NAXD: variants seen among roughly 807,000 people sequenced by gnomAD.
NAXD encodes NAD(P)HX dehydratase.
In NAXD, 22 loss-of-function variants were observed where a neutral mutation model predicts 35.8. The observed-to-expected ratio is 0.62, with a 90% CI of 0.44 to 0.88. The LOEUF (loss-of-function observed/expected upper bound fraction) is 0.88. Ranked by LOEUF, NAXD falls within the 40% of genes least tolerant of loss-of-function variation. The probability of loss-of-function intolerance (pLI) is 0.00; values close to 1 mark genes in which losing one functional copy is unlikely to be tolerated. For missense variants in NAXD, 428 were observed against 437.7 expected (o/e 0.98, Z 0.20); for synonymous variants, 189 against 177.6 (o/e 1.06, Z -0.51).
chr13:110,628,990 GC>G lies in NAXD; in HGVS notation c.441+1444del, dbSNP rs1162310874. On this transcript the variant is annotated intron_variant, in intron 5 of 9. Coordinates refer to ENST00000680254, the MANE Select transcript of NAXD (RefSeq NM_001242882.2). This position sits in a 1 kb window ranked among gnomAD's most constrained non-coding sequence, Gnocchi z 4.1. Reference sequence around the variant, plus strand: ...AGTGAGGGTGTGCGTCGCTGCCCCTGCAGCCCAGACTCTGGACCTTGCATTC... The same window carrying G: ...AGTGAGGGTGTGCGTCGCTGCCCCTGAGCCCAGACTCTGGACCTTGCATTC... 1.3e-5 allele frequency among the ~76,000 whole-genome samples: 2 copies of G among 151,604 alleles called. No homozygotes were observed. Among genetic ancestry groups the G allele is most frequent in the East Asian group, 3.8e-4 (2 of 5,198 alleles).
At chr13:110,632,498 C>T (rs541288567) in intron 5 of NAXD, among the ~76,000 whole-genome samples, 344 of 152,264 alleles carry the variant, frequency 2.3e-3, no homozygotes, top group African/African-American at 8.0e-3. Flanking sequence ...AGCCGAGTGG[C>T]CTGTTTTGTC....
In NAXD at chr13:110,638,218, G is replaced by C; in HGVS notation, c.840-160G>C. 2 of 1,534,942 alleles carry C rather than the reference G, an allele frequency of 1.3e-6. No homozygotes were observed. The highest frequency in any genetic ancestry group is 8.8e-7 in the Non-Finnish European group (1 of 1,141,872). Reference sequence around the variant, plus strand: ...TGGAGGGTTAATGGTGGTTTTCGCTGTGATAAACCTGCTTTCTCCTCAGGG... The same window carrying C: ...TGGAGGGTTAATGGTGGTTTTCGCTCTGATAAACCTGCTTTCTCCTCAGGG... On this transcript the variant is annotated intron_variant, in intron 9 of 9. Transcript: ENST00000680254. This position sits in a 1 kb window ranked among gnomAD's most constrained non-coding sequence, Gnocchi z 5.4.
In NAXD at chr13:110,622,199, TTTTTC is replaced by T. The variant is rs1403947985; in HGVS notation, c.47-14_47-10del. 6.2e-7 allele frequency: 1 copy of T among 1,602,336 alleles called. No individual in the cohort carries two copies. On this transcript the variant is annotated splice_polypyrimidine_tract_variant and intron_variant, in intron 1 of 9. Transcript: ENST00000680254. ...TCTGTTTACCTTTCTGAATTATTCATTTTTCTTGTCTTTCAGTTTTAGAAAGAGCG... is the reference window on the plus strand; with the variant it reads ...TCTGTTTACCTTTCTGAATTATTCATTTGTCTTTCAGTTTTAGAAAGAGCG...
chr13:110,636,846 G>A (rs192445385), intron 8 of NAXD, among the ~76,000 whole-genome samples: 181 of 152,332 alleles, frequency 1.2e-3, no homozygotes, highest in African/African-American at 4.0e-3. Flanking sequence ...CGTCTGAGGC[G>A]GTTCCGAGCT....
upstream of NAXD, chr13:110,615,488 T>C (rs1886005669): frequency 1.0e-6 from 1 of 990,480 alleles, no homozygotes; most frequent in Non-Finnish European, 1.4e-6. Context: ...TTGAGCGAGT[T>C]GGGATCCCAC....
intron 1 of NAXD, among the ~76,000 whole-genome samples, chr13:110,620,829 A>G (rs1886238443): frequency 6.6e-6 from 1 of 152,228 alleles, no homozygotes. Flanking sequence ...TCTGCTGCTG[A>G]GATAATTGGA....
In NAXD at chr13:110,617,703, A is replaced by C. The variant is rs191926093; in HGVS notation, c.46+2056A>C. ...AGCATTTTACACCTACTGTGTGCCC[A>C]CAAAAATAAAAACAAAAACATGGCA... On this transcript the variant is annotated intron_variant, in intron 1 of 9. Transcript: ENST00000680254. 2.7e-3 allele frequency among the ~76,000 whole-genome samples: 408 copies of C among 152,382 alleles called. 5 individuals carry two copies. The highest frequency in any genetic ancestry group is 0.01 in the Admixed American group (158 of 15,308).
At position 110,628,574 on chromosome 13, in the gene NAXD, C is replaced by T. The variant is rs1478382173; in HGVS notation, c.441+1027C>T. The stretch of plus-strand genomic sequence containing the variant: ...GCGGCGAGTGATGGAGCCAGCAGTG[C>T]AGGATGAGTCATCTGAGGGGCAGGC... On this transcript the variant is annotated intron_variant, in intron 5 of 9. Transcript: ENST00000680254. The surrounding 1 kb of genome is among the most constrained non-coding windows in gnomAD (Gnocchi z 4.1). Among the ~76,000 whole-genome samples the T allele has an allele frequency of 6.6e-6, 1 of 152,042 alleles. No homozygotes were observed. The highest frequency in any genetic ancestry group is 1.5e-5 in the Non-Finnish European group (1 of 68,002).
chr13:110,627,697 T>C, intron 5 of NAXD, 150 bp downstream of exon 5: 4 of 635,422 alleles, frequency 6.3e-6, no homozygotes, highest in Non-Finnish European at 1.1e-5. Flanking sequence ...GAGGAGAAAC[T>C]GAGTGCAAAG....
At chr13:110,618,415 G>C (rs330546) in intron 1 of NAXD, among the ~76,000 whole-genome samples, 1 of 152,014 alleles carries the variant, frequency 6.6e-6, no homozygotes, top group Non-Finnish European at 1.5e-5. Flanking sequence ...TCAAGTTGCT[G>C]TGAAGGTGGT....
intron 5 of NAXD, among the ~76,000 whole-genome samples, chr13:110,632,059 T>C (rs1202292230): frequency 2.0e-5 from 3 of 152,002 alleles, no homozygotes; most frequent in Non-Finnish European, 4.4e-5. Context: ...AATGAAGCCG[T>C]GGACCCTCGC....
intron 5 of NAXD, among the ~76,000 whole-genome samples, chr13:110,629,396 CACCATGATCA>C (rs1886623508): frequency 6.6e-6 from 1 of 152,228 alleles, no homozygotes. Flanking sequence ...GTGCAACCAT[CACCATGATCA>C]ACCTTAGAAT....
rs1218988039 is a variant in NAXD, at chr13:110,638,802, G to C, written c.*274G>C. 1 of 606,070 alleles carries C rather than the reference G, an allele frequency of 1.6e-6. No homozygotes were observed. The allele number at this position is 606,070 out of a possible 1,614,324, so 37.5% of individuals were successfully genotyped here. ...TAGTAACTGGGAAGACAGAAATGAA[G>C]AAAATCACATGAGAATGAAGAATTC... On this transcript the variant is annotated 3_prime_UTR_variant, in exon 10 of 10. Transcript: ENST00000680254. The surrounding 1 kb of genome is among the most constrained non-coding windows in gnomAD (Gnocchi z 5.4).
At chr13:110,634,883 G>A (rs1222091209) in intron 7 of NAXD, 107 bp downstream of exon 7, 11 of 777,002 alleles carry the variant, frequency 1.4e-5, no homozygotes, top group Non-Finnish European at 2.4e-5. Flanking sequence ...GGACACACCT[G>A]CAAGTAATCG....
chr13:110,625,027 G>T (rs953352405), intron 3 of NAXD, among the ~76,000 whole-genome samples, 163 bp from the exon 4 acceptor site: 1 of 152,218 alleles, frequency 6.6e-6, no homozygotes, highest in South Asian at 2.1e-4. Context: ...TGTGCTCTGC[G>T]CCCTGGCCCT....
chr13:110,632,164 G>A (rs1435786381), intron 5 of NAXD, among the ~76,000 whole-genome samples: 1 of 133,434 alleles, frequency 7.5e-6, no homozygotes, highest in Non-Finnish European at 1.6e-5. Flanking sequence ...TGGGTTCGTG[G>A]TCTCTGTCTC....
intron 7 of NAXD, 32 bp from the exon 8 acceptor site, chr13:110,635,436 T>C (rs1450776148): frequency 6.2e-7 from 1 of 1,607,496 alleles, no homozygotes; most frequent in Non-Finnish European, 8.5e-7. Context: ...AGGAAGACTT[T>C]GCTTTTTCTC....
Position 110,627,496 on chromosome 13 carries a change from T to G in NAXD, c.390T>G (p.Leu130=), listed in dbSNP as rs1306695955. ...AGTGGCTGCCCCGGCTGCATGCTCT[T>G]GTCGTAGGACCTGGCTTGGGTAGAG... The part of the protein sequence containing the change: ...VEKWLPRLHA[L]VVGPGLGRDD... Residue 130 remains leucine, a synonymous_variant, in exon 5 of 10, where the codon CTT becomes CTG. Transcript: ENST00000680254. The G allele has an allele frequency of 6.2e-7, 1 of 1,614,182 alleles. No individual in the cohort carries two copies.
chr13:110,622,823 C>G (rs1886318930), intron 2 of NAXD, among the ~76,000 whole-genome samples: 1 of 152,148 alleles, frequency 6.6e-6, no homozygotes, highest in Admixed American at 6.6e-5. Context: ...TGTAAGTTGT[C>G]CTTGGGTGTG....
Sources: allele counts gnomAD v4.1 joint callset (sites outside exome capture counted in the v4.1 genomes callset), GRCh38; gene constraint gnomAD v4.1.1; non-coding constraint Gnocchi (gnomAD v3.1); transcripts MANE v1.5; gene names NCBI Gene and HGNC (gene_info 2026-07-23, HGNC 2026-07-21).